GARRE1: variants seen among roughly 807,000 people sequenced by gnomAD.
The protein encoded by GARRE1 is granule associated Rac and RHOG effector protein 1.
A neutral mutation model predicts 103.2 loss-of-function variants in GARRE1; 49 were observed. The ratio of observed to expected loss-of-function variants is 0.47; its 90% CI spans 0.38 to 0.60. The LOEUF (loss-of-function observed/expected upper bound fraction) is 0.60. GARRE1 is among the 20% of genes least tolerant of loss of function. The probability of loss-of-function intolerance (pLI) is 0.00; values close to 1 mark genes in which losing one functional copy is unlikely to be tolerated. For missense variants in GARRE1, 1,199 were observed against 1,370.5 expected (o/e 0.87, Z 1.98); for synonymous variants, 505 against 532.8 (o/e 0.95, Z 0.72).
At chr19:34,261,903 G>T (rs1015056494) in intron 1 of GARRE1, among the ~76,000 whole-genome samples, 1 of 152,154 alleles carries the variant, frequency 6.6e-6, no homozygotes, top group Non-Finnish European at 1.5e-5. Flanking sequence ...ACATTGCATT[G>T]TTTAATCCTC....
intron 1 of GARRE1, among the ~76,000 whole-genome samples, chr19:34,288,145 G>A (rs2145228557): frequency 6.6e-6 from 1 of 152,204 alleles, no homozygotes; most frequent in South Asian, 2.1e-4. Context: ...GGAAGTGCAG[G>A]AAGCTCAGTT....
At chr19:34,342,769 C>A (rs984294492) in intron 10 of GARRE1, among the ~76,000 whole-genome samples, 1 of 152,030 alleles carries the variant, frequency 6.6e-6, no homozygotes, top group Non-Finnish European at 1.5e-5. Context: ...TGCCTACTCC[C>A]GGCAGCCAAG....
chr19:34,320,364 G>A (rs190290459), intron 3 of GARRE1, among the ~76,000 whole-genome samples: 13 of 152,358 alleles, frequency 8.5e-5, no homozygotes, highest in Non-Finnish European at 1.8e-4. Flanking sequence ...TACAAAAACA[G>A]GGCTAAGGGG....
rs1167480262 is a variant in GARRE1 at position 34,353,940 on chromosome 19, C to G, written c.*985C>G. 6.6e-6 allele frequency: 1 copy of G among 152,508 alleles called. No individual in the cohort carries two copies. The highest frequency in any genetic ancestry group is 1.9e-4 in the East Asian group (1 of 5,198). The allele number at this position is 152,508 out of a possible 1,614,324, so 9.4% of individuals were successfully genotyped here. ...GTCTTTTCTTAAAAAAAAAATCCAC[C>G]TCATTTTCAGTTAACATGTGCCATT... is the stretch of plus-strand genomic sequence containing the variant. On this transcript the variant is annotated 3_prime_UTR_variant, in exon 14 of 14. Transcript: ENST00000299505.
chr19:34,341,829 G>A lies in GARRE1; in HGVS notation c.1895G>A (p.Gly632Asp). ...RRENFLHGDD[G>D]KDEKGMNLPT... ...GAGAACTTCCTGCATGGAGATGACG[G>A]CAAGGATGAGAAGGGTATGAACTTA... Residue 632 changes from glycine to aspartate, a missense_variant, in exon 10 of 14, where the codon GGC (glycine) becomes GAC (aspartate). Gly to Asp is a moderately conservative substitution (Grantham distance 94, BLOSUM62 -1). Coordinates refer to ENST00000299505, the MANE Select transcript of GARRE1 (RefSeq NM_014686.5). 1 of 1,614,188 alleles carries A rather than the reference G, an allele frequency of 6.2e-7. No individual in the cohort carries two copies. The highest frequency in any genetic ancestry group is 2.2e-5 in the East Asian group (1 of 44,890).
At chr19:34,340,098 C>A in intron 9 of GARRE1, 106 bp downstream of exon 9, 1 of 1,190,254 alleles carries the variant, frequency 8.4e-7, no homozygotes, top group Non-Finnish European at 1.2e-6. Context: ...GTAAAGAAGG[C>A]AGTAAGGACT....
intron 1 of GARRE1, among the ~76,000 whole-genome samples, chr19:34,291,207 C>T (rs532818453): frequency 2.4e-4 from 36 of 152,078 alleles, no homozygotes; most frequent in African/African-American, 8.4e-4. Context: ...CGCGCCCAGC[C>T]GCATATTGCT....
At chr19:34,333,944 G>A (rs1266584010) in intron 8 of GARRE1, 143 bp downstream of exon 8, 3 of 653,308 alleles carry the variant, frequency 4.6e-6, no homozygotes, top group Admixed American at 2.5e-5. Flanking sequence ...GGCAGCAGTG[G>A]TATGTTAGTG....
At chr19:34,339,651 G>C (rs1357754429) in intron 8 of GARRE1, among the ~76,000 whole-genome samples, 1 of 152,212 alleles carries the variant, frequency 6.6e-6, no homozygotes, top group Non-Finnish European at 1.5e-5. Context: ...TATATATTCT[G>C]ATATCATGAG....
chr19:34,279,456 T>C (rs541741779), intron 1 of GARRE1, among the ~76,000 whole-genome samples: 1 of 146,856 alleles, frequency 6.8e-6, no homozygotes, highest in South Asian at 2.1e-4. Flanking sequence ...CGCCTGGCTA[T>C]TTTTTTTTTT....
chr19:34,341,270 C>G (rs1014648744), intron 9 of GARRE1, 152 bp from the exon 10 acceptor site: 1 of 645,220 alleles, frequency 1.5e-6, no homozygotes, highest in Non-Finnish European at 2.7e-6. Flanking sequence ...CTCCAAACCC[C>G]TGGGTGTTCA....
intron 3 of GARRE1, among the ~76,000 whole-genome samples, chr19:34,325,515 A>G (rs757703225): frequency 2.9e-4 from 44 of 152,168 alleles, no homozygotes; most frequent in Admixed American, 9.2e-4. Context: ...GTCTACACCC[A>G]GTCCAATCCT....
chr19:34,255,430 C>T (rs192105187), intron 1 of GARRE1, among the ~76,000 whole-genome samples: 2 of 152,334 alleles, frequency 1.3e-5, no homozygotes, highest in East Asian at 1.9e-4. Flanking sequence ...AGTTAATTCT[C>T]CTTTCCTGGC....
intron 1 of GARRE1, among the ~76,000 whole-genome samples, chr19:34,271,359 C>A (rs1336630601): frequency 6.6e-6 from 1 of 151,406 alleles, no homozygotes; most frequent in Non-Finnish European, 1.5e-5. Flanking sequence ...AGCGATTCTC[C>A]TGTCTCAGCC....
chr19:34,331,735 T>C (rs1360481931), intron 7 of GARRE1, among the ~76,000 whole-genome samples: 2 of 152,184 alleles, frequency 1.3e-5, no homozygotes, highest in Non-Finnish European at 2.9e-5. Context: ...GGCTCACACC[T>C]GTAATCCCAA....
At chr19:34,333,934 G>T in intron 8 of GARRE1, 133 bp downstream of exon 8, 1 of 676,812 alleles carries the variant, frequency 1.5e-6, no homozygotes, top group Non-Finnish European at 2.7e-6. Context: ...CAGGTTTATG[G>T]GCAGCAGTGG....
At chr19:34,338,474 A>G (rs1020217424) in intron 8 of GARRE1, among the ~76,000 whole-genome samples, 4 of 152,168 alleles carry the variant, frequency 2.6e-5, no homozygotes, top group African/African-American at 9.7e-5. Flanking sequence ...GAGGTCGAGG[A>G]TAACAGTGAG....
chr19:34,263,324 T>C (rs184036384), intron 1 of GARRE1, among the ~76,000 whole-genome samples: 1 of 152,238 alleles, frequency 6.6e-6, no homozygotes, highest in African/African-American at 2.4e-5. Flanking sequence ...GGTTTATAAG[T>C]GCAGAAATAA....
intron 7 of GARRE1, among the ~76,000 whole-genome samples, chr19:34,333,224 T>G (rs2074145434): frequency 6.6e-6 from 1 of 152,054 alleles, no homozygotes; most frequent in Non-Finnish European, 1.5e-5. Flanking sequence ...GTATTTTTAG[T>G]GGAGACGGGG....
Sources: gnomAD v4.1 joint callset for allele counts (sites outside exome capture counted in the v4.1 genomes callset) on GRCh38, gnomAD v4.1.1 for gene constraint, MANE v1.5 for transcripts, NCBI Gene and HGNC (gene_info 2026-07-23, HGNC 2026-07-21) for gene names.